The following BCKDHA variants were observed in gnomAD, a reference collection of about 807,000 sequenced individuals.
BCKDHA encodes branched chain keto acid dehydrogenase E1 subunit alpha.
In BCKDHA, 43 loss-of-function variants were observed where a neutral mutation model predicts 52.2. The ratio of observed to expected loss-of-function variants is 0.82; its 90% CI spans 0.64 to 1.06. The LOEUF is 1.06. Among genes scored for constraint, BCKDHA ranks in the 50% least tolerant of loss-of-function variants. BCKDHA has a pLI of 0.00. For missense variants in BCKDHA, 527 were observed against 621.3 expected, an observed-to-expected ratio of 0.85 and a Z score of 1.61; for synonymous variants, 234 against 247.9, an observed-to-expected ratio of 0.94 and a Z score of 0.53.
At chr19:41,423,950 G>A (rs1273475147) in intron 8 of BCKDHA, among the ~76,000 whole-genome samples, 1 of 150,246 alleles carries the variant, frequency 6.7e-6, no homozygotes, top group Admixed American at 6.6e-5. Flanking sequence ...TGGAGATGGC[G>A]CCACTGCACT....
Position 41,397,864 on chromosome 19 carries a change from C to G in BCKDHA, c.37C>G (p.Leu13Val). The change falls in exon 1 of 9, where the codon CTA becomes GTA. Residue 13 changes from leucine (L) to valine (V), a missense_variant. Transcript: ENST00000269980. ...GATCGCTGCAGCGAGGGTCTGGCGGCTAAACCGTGGTTTGAGCCAGGCTGC... is the reference window on the plus strand; with the variant it reads ...GATCGCTGCAGCGAGGGTCTGGCGGGTAAACCGTGGTTTGAGCCAGGCTGC... ...VAIAAARVWR[L>V]NRGLSQAALL... 3.1e-6 allele frequency: 5 copies of G among 1,614,216 alleles called. No homozygotes were observed. Among genetic ancestry groups the G allele is most frequent in the Non-Finnish European group, 4.2e-6 (5 of 1,180,046 alleles).
At chr19:41,420,777 TG>T (rs2039355973) in intron 5 of BCKDHA, among the ~76,000 whole-genome samples, 1 of 152,176 alleles carries the variant, frequency 6.6e-6, no homozygotes, top group Admixed American at 6.5e-5. Flanking sequence ...TTACCGTAGG[TG>T]CCCTGAAGTC....
chr19:41,424,423 C>T lies in BCKDHA; in HGVS notation c.1168-15C>T. The stretch of plus-strand genomic sequence containing the variant: ...GGAGGCCGGCTAGCCTGCCCACTGC[C>T]CCATGTCCCCACAGGTGATGGAGGC... On this transcript the variant is annotated splice_polypyrimidine_tract_variant and intron_variant, in intron 8 of 8. Coordinates refer to ENST00000269980, the MANE Select transcript of BCKDHA (RefSeq NM_000709.4). 1.2e-6 allele frequency: 2 copies of T among 1,613,742 alleles called. No individual in the cohort carries two copies. The highest frequency in any genetic ancestry group is 2.2e-5 in the South Asian group (2 of 91,088).
rs137852871 is a variant in BCKDHA, at chr19:41,422,643, G to C, written c.868G>C (p.Gly290Arg). The change falls in exon 7 of 9, where the codon GGG (glycine) becomes CGG (arginine). Residue 290 changes from glycine to arginine, a missense_variant. Transcript: ENST00000269980. ...RGDGIAARGP[G>R]YGIMSIRVDG... ...TGTCCCCACAGCAGCACGAGGCCCC[G>C]GGTATGGCATCATGTCAATCCGCGT... is the stretch of plus-strand genomic sequence containing the variant. 1 of 1,614,054 alleles carries C rather than the reference G, an allele frequency of 6.2e-7. No homozygotes were observed. Among genetic ancestry groups the C allele is most frequent in the South Asian group, 1.1e-5 (1 of 91,080 alleles).
At chr19:41,406,920 G>T (rs1006247779) in intron 1 of BCKDHA, among the ~76,000 whole-genome samples, 2 of 151,918 alleles carry the variant, frequency 1.3e-5, no homozygotes, top group Non-Finnish European at 2.9e-5. Context: ...GCCTAGGCTG[G>T]ACTCACTATG....
intron 3 of BCKDHA, among the ~76,000 whole-genome samples, chr19:41,413,514 A>G (rs1312271143): frequency 6.6e-6 from 1 of 152,132 alleles, no homozygotes; most frequent in Non-Finnish European, 1.5e-5. Flanking sequence ...GCTTGCTGCA[A>G]TCAGCCTTGA....
In BCKDHA at chr19:41,424,480, A is replaced by G. The variant is rs1336628865; in HGVS notation, c.1210A>G (p.Asn404Asp). ...FEQAERKPKP[N>D]PNLLFSDVYQ... ...GCAGGCCGAGCGGAAGCCCAAACCC[A>G]ACCCCAACCTACTCTTCTCAGACGT... Residue 404 changes from asparagine to aspartate, a missense_variant, in exon 9 of 9, where the codon AAC becomes GAC. Coordinates refer to ENST00000269980, the MANE Select transcript of BCKDHA (RefSeq NM_000709.4). The G allele has an allele frequency of 8.7e-6, 14 of 1,614,108 alleles. No homozygotes were observed. Among genetic ancestry groups the G allele is most frequent in the South Asian group, 1.1e-5 (1 of 91,082 alleles).
chr19:41,402,514 A>C (rs1354372145), intron 1 of BCKDHA, among the ~76,000 whole-genome samples: 1 of 152,160 alleles, frequency 6.6e-6, no homozygotes, highest in African/African-American at 2.4e-5. Context: ...CAGAGAGGTG[A>C]GGTCTGAACT....
At chr19:41,424,062 G>A (rs548837965) in intron 8 of BCKDHA, among the ~76,000 whole-genome samples, 12 of 152,110 alleles carry the variant, frequency 7.9e-5, no homozygotes, top group Admixed American at 7.9e-4. Flanking sequence ...CCTGCCCAGA[G>A]TCAGTGTGCC....
At chr19:41,417,686 A>G (rs563375167) in intron 4 of BCKDHA, among the ~76,000 whole-genome samples, 1 of 152,248 alleles carries the variant, frequency 6.6e-6, no homozygotes, top group African/African-American at 2.4e-5. Context: ...GCACTTTGGG[A>G]GGCTGAGGTG....
intron 1 of BCKDHA, among the ~76,000 whole-genome samples, chr19:41,400,755 A>G (rs980591356): frequency 7.3e-5 from 11 of 151,604 alleles, no homozygotes; most frequent in African/African-American, 2.7e-4. Flanking sequence ...CATGCCTGTA[A>G]TCCCAGCATT....
chr19:41,406,954 C>G (rs1238921366), intron 1 of BCKDHA, among the ~76,000 whole-genome samples: 1 of 152,192 alleles, frequency 6.6e-6, no homozygotes, highest in Non-Finnish European at 1.5e-5. Context: ...TCTCGAACCA[C>G]TGGCCTTAAG....
Position 41,403,816 on chromosome 19 carries a change from G to C in BCKDHA, c.108+5881G>C, listed in dbSNP as rs1238891136. On this transcript the variant is annotated intron_variant, in intron 1 of 8. Transcript: ENST00000269980. Reference sequence around the variant, plus strand: ...GACTGGCTCCTGTCCAAGGCCGCGTGGCTGGAAAGAGACAGAACCAGATTC... The same window carrying C: ...GACTGGCTCCTGTCCAAGGCCGCGTCGCTGGAAAGAGACAGAACCAGATTC... Among the ~76,000 whole-genome samples, 4 of 152,174 alleles carry C rather than the reference G, an allele frequency of 2.6e-5. No homozygotes were observed. In the East Asian group the frequency reaches 7.7e-4, roughly 29 times the overall value.
At chr19:41,412,376 A>ATTTTTTTTTTTTTTTTTT (rs1199996566) in intron 3 of BCKDHA, among the ~76,000 whole-genome samples, 2 of 46,376 alleles carry the variant, frequency 4.3e-5, no homozygotes, top group African/African-American at 1.1e-4. Flanking sequence ...GTCTGTAGAT[A>ATTTTTTTTTTTTTTTTTT]TTTCTTTTTT....
At chr19:41,411,810 G>C (rs1031120294) in intron 3 of BCKDHA, among the ~76,000 whole-genome samples, 3 of 152,174 alleles carry the variant, frequency 2.0e-5, no homozygotes, top group African/African-American at 7.2e-5. Flanking sequence ...TCAGGGGGCT[G>C]GTTGCAGGCT....
Position 41,408,063 on chromosome 19 carries a change from C to T in BCKDHA, c.109-2574C>T, listed in dbSNP as rs560819056. ...CTCATCCTTCCAGGTTCAAGCAGTC[C>T]TCCTGCCTCAGCCTCCCAAGTAGCT... is the stretch of plus-strand genomic sequence containing the variant. On this transcript the variant is annotated intron_variant, in intron 1 of 8. Transcript: ENST00000269980. 8.3e-4 allele frequency among the ~76,000 whole-genome samples: 125 copies of T among 151,490 alleles called. 1 individual carries two copies. Among genetic ancestry groups the T allele is most frequent in the African/African-American group, 2.9e-3 (120 of 41,316 alleles).
intron 4 of BCKDHA, among the ~76,000 whole-genome samples, chr19:41,418,391 C>T (rs765784750): frequency 2.8e-4 from 42 of 152,164 alleles, no homozygotes; most frequent in Non-Finnish European, 4.3e-4. Flanking sequence ...TAACCTGGAG[C>T]GGTTCCCTTT....
At chr19:41,408,012 G>C (rs1232701038) in intron 1 of BCKDHA, among the ~76,000 whole-genome samples, 1 of 148,716 alleles carries the variant, frequency 6.7e-6, no homozygotes, top group Non-Finnish European at 1.5e-5. Flanking sequence ...CTGGAGTGCA[G>C]TGGCACAGTC....
chr19:41,406,570 ATT>A (rs1201986170), intron 1 of BCKDHA, among the ~76,000 whole-genome samples: 15 of 129,554 alleles, frequency 1.2e-4, no homozygotes, highest in Non-Finnish European at 8.3e-5. Context: ...TTCCCAGCTA[ATT>A]TTTTTTTTTT....
Sources: gnomAD v4.1 joint callset for allele counts (sites outside exome capture counted in the v4.1 genomes callset) on GRCh38, gnomAD v4.1.1 for gene constraint, MANE v1.5 for transcripts, NCBI Gene and HGNC (gene_info 2026-07-23, HGNC 2026-07-21) for gene names.